BTD: variants seen among roughly 807,000 people sequenced by gnomAD.
The protein encoded by BTD is biotinidase.
In BTD, 13 loss-of-function variants were observed where a neutral mutation model predicts 17.7. The observed-to-expected ratio is 0.74, with a 90% CI of 0.48 to 1.17. The LOEUF is 1.17. Ranked by LOEUF, BTD falls within the 50% of genes most tolerant of loss-of-function variation. The probability of loss-of-function intolerance (pLI) is 0.00; values close to 1 mark genes in which losing one functional copy is unlikely to be tolerated. For missense variants in BTD, 674 were observed against 650.4 expected (o/e 1.04, Z -0.39); for synonymous variants, 240 against 245.2 (o/e 0.98, Z 0.20).
At chr3:15,654,366 A>G (rs531447854), downstream of BTD, among the ~76,000 whole-genome samples, 2 of 152,250 alleles carry the variant, frequency 1.3e-5, no homozygotes, top group South Asian at 4.1e-4. Context: ...ATGGTCATTT[A>G]AAATGATTCT....
At chr3:15,656,818 A>G (rs1373511359), downstream of BTD, among the ~76,000 whole-genome samples, 2 of 152,200 alleles carry the variant, frequency 1.3e-5, no homozygotes, top group African/African-American at 2.4e-5. Flanking sequence ...ACTTCATTTC[A>G]TTAAGTTCCA....
intron 3 of BTD, among the ~76,000 whole-genome samples, chr3:15,704,508 A>C (rs1575263683): frequency 6.6e-6 from 1 of 152,278 alleles, no homozygotes; most frequent in East Asian, 1.9e-4. Flanking sequence ...TTTTTAAAAA[A>C]CCATTTAAAA....
intron 2 of BTD, among the ~76,000 whole-genome samples, chr3:15,636,186 G>A (rs529610473): frequency 1.1e-4 from 16 of 152,184 alleles, no homozygotes; most frequent in Non-Finnish European, 1.6e-4. Flanking sequence ...ATGACTGGGC[G>A]TGATGACCTC....
intron 3 of BTD, among the ~76,000 whole-genome samples, chr3:15,674,174 C>CAAAAAAAAAAAAAAAAAA (rs34806568): frequency 2.5e-5 from 1 of 40,284 alleles, no homozygotes; most frequent in Non-Finnish European, 4.1e-5. Context: ...CCTGCCTCTT[C>CAAAAAAAAAAAAAAAAAA]AAAAAAAAAA....
rs397514355 is a variant in BTD, at chr3:15,641,980, T to G, written c.322T>G (p.Phe108Val). Residue 108 changes from phenylalanine (F) to valine (V), a missense_variant, in exon 3 of 4, where the codon TTT (phenylalanine) becomes GTT (valine). Coordinates refer to ENST00000643237, the MANE Select transcript of BTD (RefSeq NM_001370658.1). ...CTTTACAAGAACATCCATTTATCCA[T>G]TTTTGGACTTCATGCCGTCTCCCCA... ...FNFTRTSIYP[F>V]LDFMPSPQVV... 2 of 1,614,028 alleles carry G rather than the reference T, an allele frequency of 1.2e-6. No individual in the cohort carries two copies. The highest frequency in any genetic ancestry group is 1.7e-6 in the Non-Finnish European group (2 of 1,179,920).
At chr3:15,657,936 G>C (rs1313407389), downstream of BTD, among the ~76,000 whole-genome samples, 1 of 152,160 alleles carries the variant, frequency 6.6e-6, no homozygotes, top group Non-Finnish European at 1.5e-5. Context: ...GGGAGGCCGA[G>C]GTGGGCGGAT....
chr3:15,632,946 A>G (rs2065248852), intron 1 of BTD: 1 of 152,252 alleles, frequency 6.6e-6, no homozygotes, highest in African/African-American at 2.4e-5. Context: ...AAATTGATGT[A>G]CAGTTGTCCC....
At chr3:15,642,082 A>G in intron 3 of BTD, 25 bp downstream of exon 3, 1 of 1,613,464 alleles carries the variant, frequency 6.2e-7, no homozygotes, top group South Asian at 1.1e-5. Flanking sequence ...TTTCCTCAGT[A>G]GGCTGAGGGT....
chr3:15,676,413 G>A (rs1575092176), intron 3 of BTD, among the ~76,000 whole-genome samples: 1 of 152,198 alleles, frequency 6.6e-6, no homozygotes, highest in Admixed American at 6.5e-5. Flanking sequence ...CAAGCATCAT[G>A]ACTAATTTTT....
intron 1 of BTD, among the ~76,000 whole-genome samples, chr3:15,628,595 G>C (rs1411034570): frequency 6.6e-6 from 1 of 152,172 alleles, no homozygotes; most frequent in African/African-American, 2.4e-5. Flanking sequence ...ACTCATTTCA[G>C]AGAATTTGAC....
chr3:15,694,365 G>A (rs2069223962), intron 3 of BTD, among the ~76,000 whole-genome samples: 2 of 152,130 alleles, frequency 1.3e-5, no homozygotes, highest in African/African-American at 4.8e-5. Flanking sequence ...AAATACCACA[G>A]AATGTGTGTG....
intron 3 of BTD, among the ~76,000 whole-genome samples, chr3:15,643,045 T>TA (rs368667485): frequency 0.13 from 18,938 of 142,294 alleles, 1,746 homozygotes; most frequent in East Asian, 0.36. Context: ...AAAAAAAAAA[T>TA]AAAATAAAAT....
chr3:15,601,711 G>C (rs2064248104), upstream of BTD: 2 of 1,562,808 alleles, frequency 1.3e-6, no homozygotes, highest in Non-Finnish European at 1.7e-6. Context: ...TCCTCCATTC[G>C]CGCGCCAGAA....
At chr3:15,675,817 T>A (rs2066875952) in intron 3 of BTD, 1 of 1,208,212 alleles carries the variant, frequency 8.3e-7, no homozygotes, top group Admixed American at 2.8e-5. Flanking sequence ...CAATAAAAAA[T>A]ATCCAAGTTT....
At chr3:15,603,227 A>G (rs549038336) in intron 1 of BTD, among the ~76,000 whole-genome samples, 3 of 152,296 alleles carry the variant, frequency 2.0e-5, no homozygotes, top group East Asian at 1.9e-4. Context: ...TCATATCCTC[A>G]CATTTCAAAA....
chr3:15,607,274 A>G (rs1241155033), intron 1 of BTD, among the ~76,000 whole-genome samples: 1 of 152,236 alleles, frequency 6.6e-6, no homozygotes, highest in Non-Finnish European at 1.5e-5. Flanking sequence ...CCTTTTTAAA[A>G]GAAAAGGCTA....
intron 1 of BTD, among the ~76,000 whole-genome samples, chr3:15,617,068 C>G (rs1457257728): frequency 6.6e-6 from 1 of 152,152 alleles, no homozygotes; most frequent in African/African-American, 2.4e-5. Flanking sequence ...CTCTTGACCT[C>G]GTGATCTGCC....
exon 4 of BTD, among the ~76,000 whole-genome samples, chr3:15,710,142 C>T (rs191637386): frequency 6.6e-6 from 1 of 152,136 alleles, no homozygotes; most frequent in East Asian, 1.9e-4. Context: ...ATAAGCGATC[C>T]TCCAAGTCTC....
chr3:15,652,268 A>G lies in BTD; in HGVS notation c.*6780A>G, dbSNP rs1168970936. On this transcript the variant is annotated 3_prime_UTR_variant, in exon 4 of 4. Transcript: ENST00000643237. ...TTGAACCCGGGAGGCGGAGGTTACA[A>G]TGAGCTGAGATAGCACCACTGCACT... Among the ~76,000 whole-genome samples, 1 of 152,144 alleles carries G rather than the reference A, an allele frequency of 6.6e-6. No individual in the cohort carries two copies. Among genetic ancestry groups the G allele is most frequent in the Admixed American group, 6.5e-5 (1 of 15,280 alleles).
Sources: gnomAD v4.1 joint callset for allele counts (sites outside exome capture counted in the v4.1 genomes callset) on GRCh38, gnomAD v4.1.1 for gene constraint, MANE v1.5 for transcripts, NCBI Gene and HGNC (gene_info 2026-07-23, HGNC 2026-07-21) for gene names.